The following QSER1 variants were observed in gnomAD, a reference collection of about 807,000 sequenced individuals.
QSER1 encodes the protein glutamine and serine rich 1, also known as glutamine and serine-rich protein 1.
QSER1 carries 49 observed loss-of-function variants against 158.5 expected under a neutral mutation model. The observed-to-expected ratio is 0.31, with a 90% confidence interval of 0.25 to 0.39. The LOEUF (loss-of-function observed/expected upper bound fraction) is 0.39. Ranked by LOEUF, QSER1 falls within the 10% of genes least tolerant of loss-of-function variation. The pLI is 1.00. For synonymous variants in QSER1, 650 were observed against 715.5 expected (o/e 0.91, Z 1.46); for missense variants, 1,754 against 2,010.3 (o/e 0.87, Z 2.44).
At position 32,933,691 on chromosome 11, in the gene QSER1, CATACTT is replaced by C. The variant is rs1564934881; in HGVS notation, c.2435_2440del (p.Ile812_Leu813del). ...AAGACTTAAAGCAGCAACATCCTCT[CATACTT>C]AAGGTGCATGAGTCCAAGGTCCAGG... On this transcript the variant is annotated inframe_deletion, in exon 4 of 13. Transcript: ENST00000650167. 1.9e-6 allele frequency: 3 copies of C among 1,613,594 alleles called. No homozygotes were observed. The highest frequency in any genetic ancestry group is 2.7e-5 in the African/African-American group (2 of 74,910).
At chr11:32,962,387 G>C (rs1852640879) in intron 8 of QSER1, among the ~76,000 whole-genome samples, 3 of 152,158 alleles carry the variant, frequency 2.0e-5, no homozygotes, top group Non-Finnish European at 4.4e-5. Context: ...TAAGTTGTAG[G>C]AGTTTTTTAA....
At chr11:32,966,598 T>C (rs1852753925) in intron 9 of QSER1, among the ~76,000 whole-genome samples, 161 bp downstream of exon 9, 1 of 152,222 alleles carries the variant, frequency 6.6e-6, no homozygotes, top group Non-Finnish European at 1.5e-5. Flanking sequence ...GTCATATCTT[T>C]TCATGCATTC....
At chr11:32,915,647 A>C (rs1851821625) in intron 1 of QSER1, among the ~76,000 whole-genome samples, 1 of 152,240 alleles carries the variant, frequency 6.6e-6, no homozygotes, top group Non-Finnish European at 1.5e-5. Context: ...ATAAAAAAGA[A>C]ATTCTGGCTT....
intron 4 of QSER1, among the ~76,000 whole-genome samples, chr11:32,946,057 G>A (rs1391558677): frequency 5.9e-5 from 9 of 151,720 alleles, no homozygotes; most frequent in Admixed American, 1.3e-4. Context: ...CATTCTTCAC[G>A]TAGTTCTCGA....
intron 8 of QSER1, among the ~76,000 whole-genome samples, chr11:32,964,657 A>T (rs1350561231): frequency 6.9e-6 from 1 of 145,440 alleles, no homozygotes; most frequent in African/African-American, 2.5e-5. Context: ...TGAGGCTGAG[A>T]GTTCAAGACC....
chr11:32,894,375 G>A (rs945272064), intron 1 of QSER1, among the ~76,000 whole-genome samples: 1 of 152,178 alleles, frequency 6.6e-6, no homozygotes, highest in Non-Finnish European at 1.5e-5. Context: ...ACAGAATCTG[G>A]TAGGTGCAGC....
chr11:32,975,655 G>A, intron 12 of QSER1: 2 of 1,183,436 alleles, frequency 1.7e-6, no homozygotes, highest in Non-Finnish European at 2.1e-6. Flanking sequence ...AGTGTATGAT[G>A]ATCTTGCTTT....
chr11:32,916,926 A>G (rs1373230953), intron 1 of QSER1, among the ~76,000 whole-genome samples: 1 of 152,144 alleles, frequency 6.6e-6, no homozygotes, highest in East Asian at 1.9e-4. Flanking sequence ...AGCTGGGACT[A>G]CAGATGCATG....
intron 4 of QSER1, among the ~76,000 whole-genome samples, chr11:32,940,156 T>G (rs1852208656): frequency 6.6e-6 from 1 of 152,160 alleles, no homozygotes; most frequent in South Asian, 2.1e-4. Flanking sequence ...TGATTCATTA[T>G]TACTGCATTT....
chr11:32,917,364 T>G (rs1851846095), intron 1 of QSER1, among the ~76,000 whole-genome samples: 1 of 152,186 alleles, frequency 6.6e-6, no homozygotes, highest in African/African-American at 2.4e-5. Flanking sequence ...TTCTCATGGG[T>G]ATATGGGAGT....
chr11:32,955,426 A>T lies in QSER1; in HGVS notation c.4617+14A>T. On this transcript the variant is annotated intron_variant, in intron 6 of 12. Coordinates refer to ENST00000650167, the MANE Select transcript of QSER1 (RefSeq NM_001076786.3). ...GCTACAAATAGTGTAAGTAAAATGC[A>T]TGTTTACATTAGCCTTATTTTGACA... 7.9e-7 allele frequency: 1 copy of T among 1,272,220 alleles called. No homozygotes were observed. Among genetic ancestry groups the T allele is most frequent in the Non-Finnish European group, 1.1e-6 (1 of 893,328 alleles). The allele number at this position is 1,272,220 out of a possible 1,614,324, so 78.8% of individuals were successfully genotyped here.
At chr11:32,926,458 G>A (rs1008132024) in intron 1 of QSER1, among the ~76,000 whole-genome samples, 2 of 152,186 alleles carry the variant, frequency 1.3e-5, no homozygotes, top group Admixed American at 6.5e-5. Context: ...AAGTGGGTAT[G>A]TGTGTATAGA....
chr11:32,931,867 C>T lies in QSER1; in HGVS notation c.609C>T (p.Thr203=), dbSNP rs1370123734. ...PTTFSNRNFA[T]TSPLVLQDST... ...CCTTCAGCAATAGAAACTTTGCTAC[C>T]ACTTCACCTTTGGTGCTTCAGGATT... Residue 203 remains threonine (T), a synonymous_variant, in exon 4 of 13, where the codon ACC becomes ACT. Coordinates refer to ENST00000650167, the MANE Select transcript of QSER1 (RefSeq NM_001076786.3). The T allele has an allele frequency of 9.3e-6, 15 of 1,614,166 alleles. No individual in the cohort carries two copies. The South Asian group carries it at 9.9e-5, about 11-fold the overall frequency.
At chr11:32,898,755 G>A (rs1851589202) in intron 1 of QSER1, among the ~76,000 whole-genome samples, 1 of 152,064 alleles carries the variant, frequency 6.6e-6, no homozygotes, top group Non-Finnish European at 1.5e-5. Flanking sequence ...TAAATTTTTT[G>A]TAGAGATGAG....
At chr11:32,907,887 C>T (rs1412037045) in intron 1 of QSER1, among the ~76,000 whole-genome samples, 1 of 152,168 alleles carries the variant, frequency 6.6e-6, no homozygotes, top group Non-Finnish European at 1.5e-5. Flanking sequence ...ATCCCTTGAG[C>T]CCAGTAGTAT....
chr11:32,952,423 C>G (rs968102374), intron 4 of QSER1, among the ~76,000 whole-genome samples: 1 of 152,120 alleles, frequency 6.6e-6, no homozygotes, highest in Non-Finnish European at 1.5e-5. Context: ...CATTGATTTT[C>G]AGGTGTTAAA....
chr11:32,913,483 GCAC>G (rs200508073), intron 1 of QSER1, among the ~76,000 whole-genome samples: 2,589 of 152,164 alleles, frequency 0.017, 73 homozygotes, highest in African/African-American at 0.059. Flanking sequence ...GCGAGCTACC[GCAC>G]CCGGTCTTTC....
Position 32,896,231 on chromosome 11 carries a change from T to C in QSER1, c.209+2897T>C, listed in dbSNP as rs146978800. Reference sequence around the variant, plus strand: ...TGCCGCATTCTGTACTTGATACTTATATCTTGGTCACAACAGGAAGAGGCA... The same window carrying C: ...TGCCGCATTCTGTACTTGATACTTACATCTTGGTCACAACAGGAAGAGGCA... On this transcript the variant is annotated intron_variant, in intron 1 of 12. Coordinates refer to ENST00000650167, the MANE Select transcript of QSER1 (RefSeq NM_001076786.3). 2.9e-3 allele frequency among the ~76,000 whole-genome samples: 440 copies of C among 152,338 alleles called. 3 individuals are homozygous for C. The highest frequency in any genetic ancestry group is 9.6e-3 in the African/African-American group (399 of 41,588).
intron 1 of QSER1, among the ~76,000 whole-genome samples, chr11:32,920,215 G>C (rs1851883645): frequency 6.6e-6 from 1 of 152,174 alleles, no homozygotes; most frequent in African/African-American, 2.4e-5. Flanking sequence ...TATAGAGAAT[G>C]ATTGCTATGA....
Sources: gnomAD v4.1 joint callset for allele counts (sites outside exome capture counted in the v4.1 genomes callset) on GRCh38, gnomAD v4.1.1 for gene constraint, MANE v1.5 for transcripts, NCBI Gene and HGNC (gene_info 2026-07-23, HGNC 2026-07-21) for gene names.